Variants in LRRTM4 observed in about 807,000 individuals in gnomAD.
LRRTM4 encodes leucine rich repeat transmembrane neuronal 4.
LRRTM4 carries 25 observed loss-of-function variants against 47.6 expected under a neutral mutation model. The observed-to-expected ratio is 0.53, with a 90% CI of 0.38 to 0.73. The LOEUF is 0.73. Among genes scored for constraint, LRRTM4 ranks in the 30% least tolerant of loss-of-function variants. The probability of loss-of-function intolerance (pLI) is 0.00; values close to 1 mark genes in which losing one functional copy is unlikely to be tolerated. For missense variants in LRRTM4, 638 were observed against 713.4 expected, an observed-to-expected ratio of 0.89 and a Z score of 1.20; for synonymous variants, 311 against 269.5, an observed-to-expected ratio of 1.15 and a Z score of -1.51.
intron 3 of LRRTM4, among the ~76,000 whole-genome samples, chr2:77,351,587 A>G (rs1461754975): frequency 6.7e-6 from 1 of 148,636 alleles, no homozygotes; most frequent in African/African-American, 2.5e-5. Flanking sequence ...GCAAAAATTA[A>G]CATGCTTTTG....
intron 3 of LRRTM4, among the ~76,000 whole-genome samples, chr2:77,293,494 G>A (rs929887611): frequency 6.6e-6 from 1 of 151,940 alleles, no homozygotes; most frequent in African/African-American, 2.4e-5. Context: ...TACTTTTTAA[G>A]ACAAAAATAT....
intron 3 of LRRTM4, among the ~76,000 whole-genome samples, chr2:76,761,938 T>C (rs1026039291): frequency 3.9e-5 from 6 of 152,180 alleles, no homozygotes; most frequent in Non-Finnish European, 7.3e-5. Flanking sequence ...ATAATAAGCA[T>C]TGTCACATAA....
rs947956678 is a variant in LRRTM4, at chr2:77,519,098, G to A, written c.771C>T (p.Asn257=). ...GGATGTCATTCCCTGATAAATCCAA[G>A]TTGTGTAAGGAACTCCAAGTCCATG... ...GLTWTWSSLH[N]LDLSGNDIQG... is the part of the protein sequence containing the mutation. Residue 257 remains asparagine (N), a synonymous_variant, in exon 3 of 4, where the codon AAC becomes AAT. Transcript: ENST00000409884. The surrounding 1 kb of genome is among the most constrained non-coding windows in gnomAD (Gnocchi z 4.6). 44 of 1,612,894 alleles carry A rather than the reference G, an allele frequency of 2.7e-5. No homozygotes were observed. The highest frequency in any genetic ancestry group is 3.4e-5 in the Non-Finnish European group (40 of 1,179,488).
Position 77,518,587 on chromosome 2 carries a change from C to G in LRRTM4, c.1282G>C (p.Gly428Arg). 6.2e-7 allele frequency: 1 copy of G among 1,613,396 alleles called. No homozygotes were observed. Among genetic ancestry groups the G allele is most frequent in the Non-Finnish European group, 8.5e-7 (1 of 1,179,636 alleles). ...ACTGAGAGAAAGAGAGCCACACTCCCGGCAATAATTTTGTGAAATGAAACA... is the reference window on the plus strand; with the variant it reads ...ACTGAGAGAAAGAGAGCCACACTCCGGGCAATAATTTTGTGAAATGAAACA... ...EHVSFHKIIAGSVALFLSVAM... is the reference protein window; with the variant it reads ...EHVSFHKIIARSVALFLSVAM... Residue 428 changes from glycine to arginine, a missense_variant, in exon 3 of 4, where the codon GGG becomes CGG. Transcript: ENST00000409884.
chr2:77,019,278 A>G (rs1203607266), intron 3 of LRRTM4, among the ~76,000 whole-genome samples: 1 of 149,458 alleles, frequency 6.7e-6, no homozygotes, highest in African/African-American at 2.5e-5. Context: ...AAAAAAAAAT[A>G]TAAGAAGAAG....
chr2:77,288,405 T>C (rs1676722823), intron 3 of LRRTM4, among the ~76,000 whole-genome samples: 1 of 151,688 alleles, frequency 6.6e-6, no homozygotes, highest in African/African-American at 2.4e-5. Context: ...TGAGAAGATA[T>C]TGAAGAAAGA....
At chr2:77,500,242 T>G (rs1297116834) in intron 3 of LRRTM4, among the ~76,000 whole-genome samples, 1 of 151,806 alleles carries the variant, frequency 6.6e-6, no homozygotes, top group African/African-American at 2.4e-5. Context: ...AGAAAGTTGT[T>G]GAGCATTCTC....
At chr2:77,280,141 G>A (rs1676470156) in intron 3 of LRRTM4, among the ~76,000 whole-genome samples, 1 of 151,996 alleles carries the variant, frequency 6.6e-6, no homozygotes, top group Non-Finnish European at 1.5e-5. Context: ...GAAGTCAGGG[G>A]AAAATGTAAA....
At chr2:76,838,233 C>A (rs1356846647) in intron 3 of LRRTM4, among the ~76,000 whole-genome samples, 1 of 151,930 alleles carries the variant, frequency 6.6e-6, no homozygotes, top group Non-Finnish European at 1.5e-5. Flanking sequence ...ATATATCATT[C>A]AATTTACATC....
intron 3 of LRRTM4, among the ~76,000 whole-genome samples, chr2:77,034,016 C>G (rs115327878): frequency 6.6e-6 from 1 of 151,434 alleles, no homozygotes; most frequent in African/African-American, 2.4e-5. Flanking sequence ...GCTTAGTATA[C>G]CTTTATTATT....
chr2:77,052,253 C>T lies in LRRTM4; in HGVS notation c.1552-303337G>A, dbSNP rs367699432. On this transcript the variant is annotated intron_variant, in intron 3 of 3. Transcript: ENST00000409884. ...GCATGATCTCAGCTCACCACAACCT[C>T]CGGCTCCCAGATTCAAGCAATTCTC... is the stretch of plus-strand genomic sequence containing the variant. 5.3e-5 allele frequency among the ~76,000 whole-genome samples: 8 copies of T among 150,042 alleles called. No individual in the cohort carries two copies. In the East Asian group the frequency reaches 1.2e-3, roughly 22 times the overall value.
chr2:77,329,800 C>A (rs540336865), intron 3 of LRRTM4, among the ~76,000 whole-genome samples: 2 of 152,228 alleles, frequency 1.3e-5, no homozygotes, highest in South Asian at 4.2e-4. Context: ...TGAAGGATAA[C>A]TTATAGAGGG....
intron 3 of LRRTM4, among the ~76,000 whole-genome samples, chr2:77,160,600 A>C (rs1672685417): frequency 6.6e-6 from 1 of 152,154 alleles, no homozygotes; most frequent in African/African-American, 2.4e-5. Flanking sequence ...AAAGGGTCTC[A>C]TTGTCCAAGG....
chr2:77,172,291 T>A (rs560888402), intron 3 of LRRTM4, among the ~76,000 whole-genome samples: 5 of 152,132 alleles, frequency 3.3e-5, no homozygotes, highest in Admixed American at 3.3e-4. Context: ...TATATGCTAC[T>A]ATATTCATTT....
chr2:76,776,202 A>T (rs976694801), intron 3 of LRRTM4, among the ~76,000 whole-genome samples: 1 of 152,166 alleles, frequency 6.6e-6, no homozygotes, highest in South Asian at 2.1e-4. Flanking sequence ...GTTGTGAATA[A>T]TGCCGCAATA....
chr2:77,157,150 C>T (rs1036026713), intron 3 of LRRTM4, among the ~76,000 whole-genome samples: 2 of 152,106 alleles, frequency 1.3e-5, no homozygotes, highest in African/African-American at 2.4e-5. Flanking sequence ...AGAGTCATCA[C>T]ATTAATGCAT....
At chr2:76,873,382 TATATAA>T (rs1672681920) in intron 3 of LRRTM4, among the ~76,000 whole-genome samples, 1 of 151,382 alleles carries the variant, frequency 6.6e-6, no homozygotes, top group African/African-American at 2.4e-5. Context: ...ATACACACAT[TATATAA>T]ATATATAGTC....
At chr2:76,889,760 T>C (rs1047578556) in intron 3 of LRRTM4, among the ~76,000 whole-genome samples, 1 of 151,916 alleles carries the variant, frequency 6.6e-6, no homozygotes, top group Admixed American at 6.6e-5. Flanking sequence ...CTTGCTTTTC[T>C]CTTCTTTTGT....
intron 3 of LRRTM4, among the ~76,000 whole-genome samples, chr2:77,148,341 G>A (rs1672315345): frequency 6.6e-6 from 1 of 152,122 alleles, no homozygotes; most frequent in South Asian, 2.1e-4. Context: ...ATGAGAACTG[G>A]TATGAGAACT....
Sources: gnomAD v4.1 joint callset for allele counts (sites outside exome capture counted in the v4.1 genomes callset) on GRCh38, gnomAD v4.1.1 for gene constraint, Gnocchi (gnomAD v3.1) non-coding constraint, MANE v1.5 for transcripts, NCBI Gene and HGNC (gene_info 2026-07-23, HGNC 2026-07-21) for gene names.